MTOR: variants seen among roughly 807,000 people sequenced by gnomAD.
MTOR encodes serine/threonine-protein kinase mTOR.
A neutral mutation model predicts 319.8 loss-of-function variants in MTOR; 70 were observed. The observed-to-expected ratio is 0.22, with a 90% CI of 0.18 to 0.27. The LOEUF (loss-of-function observed/expected upper bound fraction) is 0.27. MTOR is among the 10% of genes least tolerant of loss of function. MTOR has a pLI of 1.00. For synonymous variants in MTOR, 1,183 were observed against 1,211.4 expected (o/e 0.98, Z 0.49); for missense variants, 1,890 against 3,274.4 (o/e 0.58, Z 10.32).
chr1:11,240,322 A>G lies in MTOR; in HGVS notation c.1767T>C (p.Leu589=). The change falls in exon 11 of 58, where the codon CTT becomes CTC. Residue 589 remains leucine (L), a synonymous_variant. Coordinates refer to ENST00000361445, the MANE Select transcript of MTOR (RefSeq NM_004958.4). The stretch of plus-strand genomic sequence containing the variant: ...TCTTACCTTCAAATTCAAAGCTGCC[A>G]AGCGTTCGGAGGGCAAGAGTGATGC... ...VGSITLALRT[L]GSFEFEGHSL... The G allele has an allele frequency of 6.4e-7, 1 of 1,569,890 alleles. No homozygotes were observed. The highest frequency in any genetic ancestry group is 8.6e-7 in the Non-Finnish European group (1 of 1,157,886).
chr1:11,163,666 C>A (rs1053469246), intron 29 of MTOR, among the ~76,000 whole-genome samples: 1 of 152,170 alleles, frequency 6.6e-6, no homozygotes, highest in Admixed American at 6.5e-5. Context: ...AACTGAACAA[C>A]CTGCTCCTGA....
At position 11,129,806 on chromosome 1, in the gene MTOR, C is replaced by A; in HGVS notation, c.5646G>T (p.Val1882=). 6.2e-7 allele frequency: 1 copy of A among 1,614,228 alleles called. No homozygotes were observed. The highest frequency in any genetic ancestry group is 8.5e-7 in the Non-Finnish European group (1 of 1,180,032). Residue 1882 remains valine, a synonymous_variant, in exon 40 of 58, where the codon GTG becomes GTT. Transcript: ENST00000361445. This position sits in a 1 kb window ranked among gnomAD's most constrained non-coding sequence, Gnocchi z 4.7. ...DLSKTLLMYT[V]PAVQGFFRSI... The stretch of plus-strand genomic sequence containing the variant: ...AACGGAAGAAGCCCTGGACGGCAGG[C>A]ACCGTGTACATCAGGAGGGTTTTGG...
Position 11,121,178 on chromosome 1 carries a change from T to C in MTOR, c.6933+68A>G, listed in dbSNP as rs1268732600. On this transcript the variant is annotated intron_variant, in intron 49 of 57. Transcript: ENST00000361445. The surrounding 1 kb of genome is among the most constrained non-coding windows in gnomAD (Gnocchi z 4.9). Reference sequence around the variant, plus strand: ...GAGCCGCTGTGTGCACATGAACAGATGGGAGGGCCATCCTATTGCGAGTGG... The same window carrying C: ...GAGCCGCTGTGTGCACATGAACAGACGGGAGGGCCATCCTATTGCGAGTGG... The C allele has an allele frequency of 4.4e-6, 7 of 1,597,714 alleles. No individual in the cohort carries two copies. The highest frequency in any genetic ancestry group is 6.0e-6 in the Non-Finnish European group (7 of 1,175,424).
chr1:11,199,002 T>G lies in MTOR; in HGVS notation c.4253+256A>C, dbSNP rs747717408. On this transcript the variant is annotated intron_variant, in intron 28 of 57. Transcript: ENST00000361445. The surrounding 1 kb of genome is among the most constrained non-coding windows in gnomAD (Gnocchi z 4.5). Reference sequence around the variant, plus strand: ...CCACAGAATTGCTTCTCAACTAAATTTCACTGGAACAAGAAAGGACAGGTT... The same window carrying G: ...CCACAGAATTGCTTCTCAACTAAATGTCACTGGAACAAGAAAGGACAGGTT... Among the ~76,000 whole-genome samples the G allele has an allele frequency of 1.3e-5, 2 of 152,156 alleles. No homozygotes were observed. Among genetic ancestry groups the G allele is most frequent in the Non-Finnish European group, 2.9e-5 (2 of 68,034 alleles).
chr1:11,121,938 G>A lies in MTOR; in HGVS notation c.6810+41C>T, dbSNP rs1447608670. The A allele has an allele frequency of 6.2e-7, 1 of 1,608,024 alleles. No individual in the cohort carries two copies. The highest frequency in any genetic ancestry group is 8.5e-7 in the Non-Finnish European group (1 of 1,175,938). Reference sequence around the variant, plus strand: ...AAAAGCAGCGCTACGGAGATTCCCTGCCACGGAAGGGGCACTAGCTCTCGT... The same window carrying A: ...AAAAGCAGCGCTACGGAGATTCCCTACCACGGAAGGGGCACTAGCTCTCGT... On this transcript the variant is annotated intron_variant, in intron 48 of 57. Transcript: ENST00000361445. The surrounding 1 kb of genome is among the most constrained non-coding windows in gnomAD (Gnocchi z 4.9).
At chr1:11,120,517 G>A (rs990587974) in intron 49 of MTOR, among the ~76,000 whole-genome samples, 3 of 147,612 alleles carry the variant, frequency 2.0e-5, no homozygotes, top group Non-Finnish European at 3.0e-5. Flanking sequence ...CAGCCTGGGC[G>A]GGGAAAAAAA....
At chr1:11,117,274 C>T (rs1214598594) in intron 49 of MTOR, among the ~76,000 whole-genome samples, 188 bp from the exon 50 acceptor site, 2 of 152,230 alleles carry the variant, frequency 1.3e-5, no homozygotes, top group South Asian at 2.1e-4. Context: ...GGTTCTCATG[C>T]CTCAGCCTCC....
chr1:11,213,914 T>C (rs894944639), intron 20 of MTOR, among the ~76,000 whole-genome samples: 4 of 152,228 alleles, frequency 2.6e-5, no homozygotes, highest in Non-Finnish European at 4.4e-5. Context: ...CTTCTTCTCC[T>C]TCCATGATCC....
At chr1:11,219,211 T>C (rs1366986907) in intron 19 of MTOR, among the ~76,000 whole-genome samples, 1 of 150,360 alleles carries the variant, frequency 6.7e-6, no homozygotes, top group Non-Finnish European at 1.5e-5. Context: ...GAGACCCTGT[T>C]TCAAAAAAAA....
At chr1:11,209,249 AG>A (rs1341568332) in intron 25 of MTOR, 62 bp downstream of exon 25, 7 of 1,601,948 alleles carry the variant, frequency 4.4e-6, no homozygotes, top group Non-Finnish European at 6.0e-6. Flanking sequence ...AACAGTTAAA[AG>A]TTTTGAGTAA....
In MTOR at chr1:11,129,679, CT is replaced by C; in HGVS notation, c.5714+58del. On this transcript the variant is annotated intron_variant, in intron 40 of 57. Coordinates refer to ENST00000361445, the MANE Select transcript of MTOR (RefSeq NM_004958.4). The surrounding 1 kb of genome is among the most constrained non-coding windows in gnomAD (Gnocchi z 4.7). ...AGGGAAAGAGGACTTTTACGTGTGACTTCTAGGTCTTGCCATTAACATGGCC... is the reference window on the plus strand; with the variant it reads ...AGGGAAAGAGGACTTTTACGTGTGACTCTAGGTCTTGCCATTAACATGGCC... 2.7e-6 allele frequency: 4 copies of C among 1,483,128 alleles called. No homozygotes were observed. Among genetic ancestry groups the C allele is most frequent in the Non-Finnish European group, 3.7e-6 (4 of 1,067,174 alleles). The allele number at this position is 1,483,128 out of a possible 1,614,324, so 91.9% of individuals were successfully genotyped here.
Position 11,129,255 on chromosome 1 carries a change from T to C in MTOR, c.5715-304A>G, listed in dbSNP as rs1359292435. ...CTTTAGAAAGCCACAAGTCTGCACA[T>C]GTAAGAGTCGCTGTACGGCAGAGGC... On this transcript the variant is annotated intron_variant, in intron 40 of 57. Coordinates refer to ENST00000361445, the MANE Select transcript of MTOR (RefSeq NM_004958.4). This position sits in a 1 kb window ranked among gnomAD's most constrained non-coding sequence, Gnocchi z 4.7. Among the ~76,000 whole-genome samples the C allele has an allele frequency of 6.6e-6, 1 of 152,304 alleles. No homozygotes were observed. Among genetic ancestry groups the C allele is most frequent in the Non-Finnish European group, 1.5e-5 (1 of 68,024 alleles).
chr1:11,184,245 T>C (rs1645243434), intron 28 of MTOR, among the ~76,000 whole-genome samples: 2 of 152,184 alleles, frequency 1.3e-5, no homozygotes, highest in Non-Finnish European at 1.5e-5. Context: ...AAGTAATATG[T>C]CCATGGCCAC....
chr1:11,176,148 G>A (rs971843479), intron 28 of MTOR, among the ~76,000 whole-genome samples: 1 of 152,164 alleles, frequency 6.6e-6, no homozygotes, highest in Non-Finnish European at 1.5e-5. Context: ...CAGTCTAAAC[G>A]CCTTTCCTGC....
intron 12 of MTOR, 69 bp downstream of exon 12, chr1:11,238,333 A>C: frequency 6.6e-7 from 1 of 1,503,904 alleles, no homozygotes; most frequent in Middle Eastern, 2.3e-4. Flanking sequence ...CCATGTAATG[A>C]AACTGGCTAC....
rs2100323006 is a variant in MTOR at position 11,115,344 on chromosome 1, GA to G, written c.7089+51del. The G allele has an allele frequency of 1.3e-6, 2 of 1,574,160 alleles. No individual in the cohort carries two copies. The highest frequency in any genetic ancestry group is 8.7e-7 in the Non-Finnish European group (1 of 1,143,852). On this transcript the variant is annotated intron_variant, in intron 51 of 57. Coordinates refer to ENST00000361445, the MANE Select transcript of MTOR (RefSeq NM_004958.4). The surrounding 1 kb of genome is among the most constrained non-coding windows in gnomAD (Gnocchi z 4.5). ...TCTGCCTACAGTGTCAGAGGAGGGG[GA>G]AAAGTGATCACCCGGGAAGATGAGG...
At chr1:11,123,667 CT>C (rs892693420) in intron 47 of MTOR, among the ~76,000 whole-genome samples, 15 of 152,006 alleles carry the variant, frequency 9.9e-5, no homozygotes, top group African/African-American at 2.4e-4. Flanking sequence ...CAGGGTCTCA[CT>C]TTTTTGTCCA....
chr1:11,143,483 C>A (rs878866561), intron 34 of MTOR, among the ~76,000 whole-genome samples: 4 of 152,164 alleles, frequency 2.6e-5, no homozygotes, highest in Admixed American at 2.6e-4. Flanking sequence ...CTTTCTGGTG[C>A]CCAGGAGACA....
At chr1:11,110,936 T>C (rs1189837000) in intron 54 of MTOR, among the ~76,000 whole-genome samples, 1 of 152,124 alleles carries the variant, frequency 6.6e-6, no homozygotes, top group Non-Finnish European at 1.5e-5. Context: ...CAGCATATAG[T>C]AGCCACTTGA....
Sources: gnomAD v4.1 joint callset for allele counts (sites outside exome capture counted in the v4.1 genomes callset) on GRCh38, gnomAD v4.1.1 for gene constraint, Gnocchi (gnomAD v3.1) non-coding constraint, MANE v1.5 for transcripts, NCBI Gene and HGNC (gene_info 2026-07-23, HGNC 2026-07-21) for gene names.